Variants in LTBP1 observed in about 807,000 individuals in gnomAD.
LTBP1 encodes latent-transforming growth factor beta-binding protein 1.
A neutral mutation model predicts 207.6 loss-of-function variants in LTBP1; 129 were observed. The ratio of observed to expected loss-of-function variants is 0.62; its 90% CI spans 0.54 to 0.72. The LOEUF (loss-of-function observed/expected upper bound fraction) is 0.72, where lower values mean the gene tolerates loss of function less well. LTBP1 is among the 30% of genes least tolerant of loss of function. The pLI, the probability that LTBP1 is intolerant of heterozygous loss-of-function variation, is 0.00. For missense variants in LTBP1, 2,281 were observed against 2,217.2 expected (o/e 1.03, Z -0.58); for synonymous variants, 963 against 833.7 (o/e 1.16, Z -2.67).
At chr2:32,990,360 T>G (rs1294319886) in intron 2 of LTBP1, among the ~76,000 whole-genome samples, 2 of 152,214 alleles carry the variant, frequency 1.3e-5, no homozygotes, top group Admixed American at 1.3e-4. Context: ...TTATCTCAAA[T>G]TACATGGAAG....
At chr2:33,273,087 T>C (rs1041500986) in intron 15 of LTBP1, among the ~76,000 whole-genome samples, 9 of 152,232 alleles carry the variant, frequency 5.9e-5, no homozygotes, top group Admixed American at 3.3e-4. Context: ...TATGTTCATT[T>C]TGAAATTGGC....
At chr2:33,240,849 A>C (rs1014820789) in intron 9 of LTBP1, among the ~76,000 whole-genome samples, 1 of 151,654 alleles carries the variant, frequency 6.6e-6, no homozygotes, top group African/African-American at 2.4e-5. Flanking sequence ...ACGGGGTTTC[A>C]CTGTGTTAGC....
intron 2 of LTBP1, among the ~76,000 whole-genome samples, chr2:32,990,864 T>A (rs1684302368): frequency 2.0e-5 from 3 of 152,244 alleles, no homozygotes; most frequent in Admixed American, 2.0e-4. Context: ...AAGAAATTAC[T>A]CAGTTCCTTT....
chr2:33,251,839 C>G (rs1469334992), intron 10 of LTBP1, among the ~76,000 whole-genome samples: 4 of 152,008 alleles, frequency 2.6e-5, no homozygotes, highest in Non-Finnish European at 5.9e-5. Flanking sequence ...GGACCTGGTT[C>G]TGTAGAATAC....
chr2:33,266,516 G>C (rs538801443), intron 15 of LTBP1, among the ~76,000 whole-genome samples: 1 of 152,228 alleles, frequency 6.6e-6, no homozygotes, highest in Non-Finnish European at 1.5e-5. Context: ...CCAGAGTGAA[G>C]ACTTCATCGA....
At chr2:33,102,800 A>G (rs893039282) in intron 3 of LTBP1, among the ~76,000 whole-genome samples, 1 of 152,080 alleles carries the variant, frequency 6.6e-6, no homozygotes, top group Non-Finnish European at 1.5e-5. Context: ...TATATGTTGT[A>G]TGCACTGTCT....
chr2:33,182,701 C>T (rs757400944), intron 5 of LTBP1, among the ~76,000 whole-genome samples: 6,514 of 40,032 alleles, frequency 0.16, 970 homozygotes, highest in African/African-American at 0.23. Flanking sequence ...TATATATATA[C>T]ACACACACAC....
chr2:33,046,709 C>G (rs1304085762), intron 3 of LTBP1, among the ~76,000 whole-genome samples: 1 of 152,082 alleles, frequency 6.6e-6, no homozygotes, highest in Non-Finnish European at 1.5e-5. Flanking sequence ...TTTTGTACCT[C>G]TGGTAGAATT....
At chr2:33,024,666 G>C (rs1292045349) in intron 3 of LTBP1, among the ~76,000 whole-genome samples, 1 of 152,134 alleles carries the variant, frequency 6.6e-6, no homozygotes, top group Admixed American at 6.6e-5. Flanking sequence ...TGGAGTCCAG[G>C]GATGGCTCCT....
At chr2:33,011,213 C>G (rs1179223550) in intron 2 of LTBP1, among the ~76,000 whole-genome samples, 1 of 152,162 alleles carries the variant, frequency 6.6e-6, no homozygotes, top group Non-Finnish European at 1.5e-5. Context: ...CCAGTGTACA[C>G]TCCTCTTGGC....
At chr2:33,248,712 G>C (rs2092585785) in intron 10 of LTBP1, among the ~76,000 whole-genome samples, 1 of 151,578 alleles carries the variant, frequency 6.6e-6, no homozygotes, top group South Asian at 2.1e-4. Context: ...TCAGCCTCCT[G>C]AGTAGCTGGG....
chr2:33,044,869 A>T (rs1454135363), intron 3 of LTBP1, among the ~76,000 whole-genome samples: 1 of 152,070 alleles, frequency 6.6e-6, no homozygotes, highest in African/African-American at 2.4e-5. Context: ...GCCAGTGACG[A>T]TGAGCTTTTT....
chr2:33,342,481 A>G (rs903025401), intron 24 of LTBP1, among the ~76,000 whole-genome samples: 2 of 152,230 alleles, frequency 1.3e-5, no homozygotes, highest in Admixed American at 6.5e-5. Context: ...ACAAGTGACA[A>G]TATTTTCACA....
chr2:33,356,371 G>A (rs2094859884), intron 26 of LTBP1, among the ~76,000 whole-genome samples: 1 of 152,134 alleles, frequency 6.6e-6, no homozygotes, highest in South Asian at 2.1e-4. Context: ...CAGATGTTAA[G>A]TTTCAAGCTT....
intron 24 of LTBP1, among the ~76,000 whole-genome samples, chr2:33,338,352 C>A (rs1324947468): frequency 6.6e-6 from 1 of 152,174 alleles, no homozygotes; most frequent in Non-Finnish European, 1.5e-5. Flanking sequence ...AACGAGAAAT[C>A]ATCATCTGCT....
At chr2:33,182,101 G>A (rs1318496046) in intron 5 of LTBP1, among the ~76,000 whole-genome samples, 3 of 152,050 alleles carry the variant, frequency 2.0e-5, no homozygotes, top group African/African-American at 4.8e-5. Flanking sequence ...TTCATAAAGG[G>A]TTATAAATAC....
chr2:33,394,780 C>A (rs888476195), intron 32 of LTBP1, among the ~76,000 whole-genome samples: 2 of 152,166 alleles, frequency 1.3e-5, no homozygotes, highest in African/African-American at 4.8e-5. Context: ...ATTGTCTTGG[C>A]AATGCAGGCT....
intron 24 of LTBP1, among the ~76,000 whole-genome samples, chr2:33,338,138 A>C (rs1382791517): frequency 2.0e-5 from 3 of 152,232 alleles, no homozygotes; most frequent in Non-Finnish European, 4.4e-5. Flanking sequence ...TCATTTTTAT[A>C]AAATATTAGT....
chr2:33,004,238 G>A (rs935657516), intron 2 of LTBP1, among the ~76,000 whole-genome samples: 2 of 151,996 alleles, frequency 1.3e-5, no homozygotes, highest in African/African-American at 4.8e-5. Flanking sequence ...CTTAACTTGT[G>A]CAGAGAGATT....
Sources: gnomAD v4.1 joint callset for allele counts (sites outside exome capture counted in the v4.1 genomes callset) on GRCh38, gnomAD v4.1.1 for gene constraint, MANE v1.5 for transcripts, NCBI Gene and HGNC (gene_info 2026-07-23, HGNC 2026-07-21) for gene names.